Variants in CNTNAP3B observed in about 807,000 individuals in gnomAD.
The protein encoded by CNTNAP3B is contactin associated protein family member 3B.
A neutral mutation model predicts 108.9 loss-of-function variants in CNTNAP3B; 25 were observed. That is an observed-to-expected ratio of 0.23 (90% CI 0.17 to 0.32). The LOEUF (loss-of-function observed/expected upper bound fraction) is 0.32. Ranked by LOEUF, CNTNAP3B falls within the 10% of genes least tolerant of loss-of-function variation. The pLI is 1.00. For synonymous variants in CNTNAP3B, 103 were observed against 473.4 expected, an observed-to-expected ratio of 0.22 and a Z score of 10.16; for missense variants, 252 against 1,210.4, an observed-to-expected ratio of 0.21 and a Z score of 11.75.
At chr9:41,942,249 G>A (rs1158736382) in intron 13 of CNTNAP3B, among the ~76,000 whole-genome samples, 3 of 152,258 alleles carry the variant, frequency 2.0e-5, no homozygotes, top group Admixed American at 6.5e-5. Flanking sequence ...GCCGAGGCGG[G>A]CAGATCATGA....
At chr9:42,117,081 T>C (rs28875584) in intron 1 of CNTNAP3B, among the ~76,000 whole-genome samples, 1,907 of 137,690 alleles carry the variant, frequency 0.014, 277 homozygotes, top group South Asian at 0.056. Flanking sequence ...TAATGGGAGA[T>C]TTTAACACAC....
At chr9:41,977,672 C>T (rs2118291442) in intron 9 of CNTNAP3B, among the ~76,000 whole-genome samples, 1 of 130,284 alleles carries the variant, frequency 7.7e-6, no homozygotes, top group South Asian at 2.5e-4. Flanking sequence ...GGCTGGAGTG[C>T]AGTGGCGCAG....
intron 10 of CNTNAP3B, among the ~76,000 whole-genome samples, chr9:41,965,013 G>A (rs1300624136): frequency 6.6e-6 from 1 of 152,274 alleles, no homozygotes. Context: ...AGGGGAAACA[G>A]GGAGGAAGAT....
At chr9:41,932,008 G>C (rs1236040354) in intron 14 of CNTNAP3B, among the ~76,000 whole-genome samples, 1 of 152,110 alleles carries the variant, frequency 6.6e-6, no homozygotes, top group Non-Finnish European at 1.5e-5. Flanking sequence ...TCATTGTTTT[G>C]GAAAGTCTGG....
intron 12 of CNTNAP3B, among the ~76,000 whole-genome samples, chr9:41,956,452 A>G (rs1368770143): frequency 2.0e-5 from 3 of 152,272 alleles, no homozygotes; most frequent in Non-Finnish European, 2.9e-5. Flanking sequence ...ATGGTTTCAC[A>G]TAGGGAAGTC....
chr9:42,042,024 G>C (rs1826770008), intron 3 of CNTNAP3B, among the ~76,000 whole-genome samples: 1 of 123,942 alleles, frequency 8.1e-6, no homozygotes, highest in Non-Finnish European at 1.7e-5. Context: ...CTCATAGGTG[G>C]GAATTGAACA....
chr9:41,913,985 G>T, intron 18 of CNTNAP3B, among the ~76,000 whole-genome samples: 1 of 36,092 alleles, frequency 2.8e-5, no homozygotes, highest in Admixed American at 3.0e-4. Context: ...ACAAGTATCT[G>T]CTTGAGTTCT....
At chr9:41,947,954 C>A (rs1319851593) in intron 13 of CNTNAP3B, among the ~76,000 whole-genome samples, 1 of 151,454 alleles carries the variant, frequency 6.6e-6, no homozygotes, top group Non-Finnish European at 1.5e-5. Context: ...GTACAAACTA[C>A]CACAATTCAC....
intron 15 of CNTNAP3B, chr9:41,926,861 G>A (rs1823834840): frequency 6.6e-6 from 1 of 152,456 alleles, no homozygotes; most frequent in Non-Finnish European, 1.5e-5. Flanking sequence ...AGAAATGAAG[G>A]GCTGAGGTAA....
intron 1 of CNTNAP3B, among the ~76,000 whole-genome samples, chr9:42,118,725 GA>G (rs1287690737): frequency 8.7e-6 from 1 of 114,738 alleles, no homozygotes; most frequent in East Asian, 2.9e-4. Flanking sequence ...AGGAAAAGAG[GA>G]AGTCAAATTG....
intron 4 of CNTNAP3B, among the ~76,000 whole-genome samples, chr9:42,004,754 A>G (rs1414148134): frequency 8.5e-6 from 1 of 117,602 alleles, no homozygotes; most frequent in Non-Finnish European, 1.9e-5. Flanking sequence ...ATTCATTTTA[A>G]TATAATAATA....
intron 14 of CNTNAP3B, among the ~76,000 whole-genome samples, chr9:41,933,791 T>G: frequency 6.6e-6 from 1 of 152,280 alleles, no homozygotes; most frequent in Non-Finnish European, 1.5e-5. Flanking sequence ...AACTGACACA[T>G]GCATGAGCTT....
Position 42,047,284 on chromosome 9 carries a change from C to T in CNTNAP3B, c.390+29585G>A, listed in dbSNP as rs1225053829. 6.1e-5 allele frequency among the ~76,000 whole-genome samples: 7 copies of T among 115,088 alleles called. 1 individual carries two copies. Among genetic ancestry groups the T allele is most frequent in the Admixed American group, 3.6e-4 (4 of 11,014 alleles). 75.5% of individuals were successfully genotyped at this position (115,088 alleles called of 152,430 possible). A position where few individuals can be genotyped will look rare whatever the true frequency, so the allele number is the denominator to read the frequency against. On this transcript the variant is annotated intron_variant, in intron 3 of 23. Coordinates refer to ENST00000377561, the MANE Select transcript of CNTNAP3B (RefSeq NM_001201380.3). ...CAGACTTCTCCGTATTATTTGGCAT[C>T]GCTGCAGGGTTCAGACTTTGAATGA...
chr9:41,927,180 C>A (rs1823845024), intron 15 of CNTNAP3B, among the ~76,000 whole-genome samples: 2 of 151,758 alleles, frequency 1.3e-5, no homozygotes, highest in African/African-American at 2.4e-5. Context: ...ATAGGATGAC[C>A]AACTCTAGTC....
At chr9:42,030,935 A>G (rs1826514473) in intron 3 of CNTNAP3B, among the ~76,000 whole-genome samples, 1 of 112,250 alleles carries the variant, frequency 8.9e-6, no homozygotes, top group Admixed American at 9.0e-5. Flanking sequence ...AGGATCTCTC[A>G]GAAGACACTT....
intron 15 of CNTNAP3B, among the ~76,000 whole-genome samples, chr9:41,926,143 C>A (rs1322174782): frequency 5.3e-5 from 8 of 152,286 alleles, no homozygotes; most frequent in Non-Finnish European, 1.2e-4. Flanking sequence ...TAACCCAGCA[C>A]CACAGGGTTC....
Position 41,919,137 on chromosome 9 carries a change from CT to C in CNTNAP3B, c.2995+932del, listed in dbSNP as rs1391449120. Among the ~76,000 whole-genome samples the C allele has an allele frequency of 7.2e-3, 1,065 of 146,952 alleles. 6 individuals are homozygous for C. Among genetic ancestry groups the C allele is most frequent in the African/African-American group, 0.025 (981 of 38,802 alleles). On this transcript the variant is annotated intron_variant, in intron 18 of 23. Transcript: ENST00000377561. ...CTAAAATCAGTCCCTTTTTCCTTTT[CT>C]TTTTTTTTTTCCCCAAGACGGAGTC...
In CNTNAP3B at chr9:42,002,703, T is replaced by A. The variant is rs1026116489; in HGVS notation, c.539-4099A>T. Among the ~76,000 whole-genome samples, 2 of 116,428 alleles carry A rather than the reference T, an allele frequency of 1.7e-5. 1 individual carries two copies. The highest frequency in any genetic ancestry group is 3.5e-5 in the Non-Finnish European group (2 of 56,498). The allele number at this position is 116,428 out of a possible 152,430, so 76.4% of individuals were successfully genotyped here. On this transcript the variant is annotated intron_variant, in intron 4 of 23. Coordinates refer to ENST00000377561, the MANE Select transcript of CNTNAP3B (RefSeq NM_001201380.3). ...GACATATAATCCTGAAATATGATTG[T>A]TTCTGCCACATTCACAGTGATGCTT... is the stretch of plus-strand genomic sequence containing the variant.
At chr9:41,933,183 A>G (rs1824033713) in intron 14 of CNTNAP3B, among the ~76,000 whole-genome samples, 1 of 152,218 alleles carries the variant, frequency 6.6e-6, no homozygotes, top group Non-Finnish European at 1.5e-5. Flanking sequence ...AGGGTATCTC[A>G]ACAGCAGCGT....
Sources: gnomAD v4.1 joint callset for allele counts (sites outside exome capture counted in the v4.1 genomes callset) on GRCh38, gnomAD v4.1.1 for gene constraint, MANE v1.5 for transcripts, NCBI Gene and HGNC (gene_info 2026-07-23, HGNC 2026-07-21) for gene names.